Variants in ZNF48 observed in about 807,000 individuals in gnomAD.
The protein encoded by ZNF48 is zinc finger protein 553.
ZNF48 carries 20 observed loss-of-function variants against 40.0 expected under a neutral mutation model. The ratio of observed to expected loss-of-function variants is 0.50; its 90% CI spans 0.35 to 0.73. The LOEUF (loss-of-function observed/expected upper bound fraction) is 0.73, where lower values mean the gene tolerates loss of function less well. ZNF48 is among the 30% of genes least tolerant of loss of function. The pLI, the probability that ZNF48 is intolerant of heterozygous loss-of-function variation, is 0.01. For missense variants in ZNF48, 726 were observed against 851.9 expected (o/e 0.85, Z 1.84); for synonymous variants, 298 against 329.7 (o/e 0.90, Z 1.04).
chr16:30,379,281 A>G, intron 1 of ZNF48: 1 of 1,522,828 alleles, frequency 6.6e-7, no homozygotes, highest in Non-Finnish European at 9.0e-7. Context: ...CTGCCACTCT[A>G]GCGGAGGGTC....
At position 30,381,803 on chromosome 16, in the gene ZNF48, C is replaced by T; in HGVS notation, c.-16+3393C>T. 1 of 1,614,166 alleles carries T rather than the reference C, an allele frequency of 6.2e-7. No homozygotes were observed. The highest frequency in any genetic ancestry group is 2.2e-5 in the East Asian group (1 of 44,876). On this transcript the variant is annotated intron_variant, in intron 1 of 2. Transcript: ENST00000528032. This position sits in a 1 kb window ranked among gnomAD's most constrained non-coding sequence, Gnocchi z 4.3. ...GAGTCCCCAAAGCCAGGTGTGTCCA[C>T]AAGGGTCAGCTTCACTTTCACACCC...
chr16:30,388,851 G>A (rs949558289), intron 1 of ZNF48, among the ~76,000 whole-genome samples: 3 of 151,982 alleles, frequency 2.0e-5, no homozygotes, highest in Non-Finnish European at 4.4e-5. Context: ...CCGAGACTGC[G>A]CCACTGCACT....
rs764813602 is a variant in ZNF48, at chr16:30,398,008, C to T, written c.758C>T (p.Pro253Leu). ...RGEQPPRPVV[P>L]RRQPSRAATA... The stretch of plus-strand genomic sequence containing the variant: ...GAGCAGCCCCCCCGACCAGTGGTGC[C>T]CCGACGGCAGCCATCTCGGGCAGCC... The change falls in exon 3 of 3, where the codon CCC becomes CTC. Residue 253 changes from proline to leucine, a missense_variant. Coordinates refer to ENST00000613509, the MANE Select transcript of ZNF48 (RefSeq NM_001214909.2). The surrounding 1 kb of genome is among the most constrained non-coding windows in gnomAD (Gnocchi z 6.6). 18 of 1,612,872 alleles carry T rather than the reference C, an allele frequency of 1.1e-5. No homozygotes were observed. The highest frequency in any genetic ancestry group is 1.4e-5 in the Non-Finnish European group (16 of 1,179,450).
chr16:30,383,009 C>A, intron 1 of ZNF48: 2 of 582,038 alleles, frequency 3.4e-6, no homozygotes, highest in Non-Finnish European at 6.2e-6. Context: ...TGCCCCTCTA[C>A]CATCTCTACA....
chr16:30,383,691 G>A (rs1168148564), intron 1 of ZNF48, among the ~76,000 whole-genome samples: 3 of 152,146 alleles, frequency 2.0e-5, no homozygotes, highest in African/African-American at 7.2e-5. Flanking sequence ...GAACTCCCCA[G>A]TAACTCAGAG....
Position 30,397,307 on chromosome 16 carries a change from A to G in ZNF48, c.80-23A>G. On this transcript the variant is annotated intron_variant, in intron 2 of 2. Transcript: ENST00000613509. The surrounding 1 kb of genome is among the most constrained non-coding windows in gnomAD (Gnocchi z 4.1). ...AGTACCGAGCCAAAGGGGAGGGTCT[A>G]CAACTTCCTTTTCTTTCCTCAGGTC... is the stretch of plus-strand genomic sequence containing the variant. 1.9e-6 allele frequency: 3 copies of G among 1,590,648 alleles called. No individual in the cohort carries two copies. The highest frequency in any genetic ancestry group is 4.5e-5 in the East Asian group (2 of 44,812).
intron 1 of ZNF48, among the ~76,000 whole-genome samples, chr16:30,387,113 T>C (rs1185014495): frequency 1.3e-5 from 2 of 150,964 alleles, no homozygotes; most frequent in African/African-American, 4.8e-5. Context: ...TGGCTAATTT[T>C]TTTGTATTTT....
chr16:30,385,436 C>T (rs112747672), intron 1 of ZNF48, among the ~76,000 whole-genome samples: 1 of 151,282 alleles, frequency 6.6e-6, no homozygotes, highest in Non-Finnish European at 1.5e-5. Context: ...ACCATCCTGG[C>T]CAACATGGTG....
upstream of ZNF48, among the ~76,000 whole-genome samples, chr16:30,390,829 T>G (rs2049937370): frequency 6.6e-6 from 1 of 151,942 alleles, no homozygotes; most frequent in African/African-American, 2.4e-5. Context: ...TTTCACCGTG[T>G]TAGCCAGGAT....
intron 1 of ZNF48, among the ~76,000 whole-genome samples, chr16:30,383,988 G>A (rs1187709022): frequency 1.3e-5 from 2 of 152,052 alleles, no homozygotes; most frequent in South Asian, 2.1e-4. Context: ...AGGCCGAGGC[G>A]GGTGGATCAC....
chr16:30,395,471 G>A lies in ZNF48; in HGVS notation c.-123G>A. ...ACGCCTGGGTCCGAGCCCGCTCCCGGCTTGGCGCGGAGCCTGCATCCCGGA... is the reference window on the plus strand; with the variant it reads ...ACGCCTGGGTCCGAGCCCGCTCCCGACTTGGCGCGGAGCCTGCATCCCGGA... On this transcript the variant is annotated 5_prime_UTR_variant, in exon 1 of 3. Transcript: ENST00000613509. The surrounding 1 kb of genome is among the most constrained non-coding windows in gnomAD (Gnocchi z 5.9). 3.0e-6 allele frequency: 1 copy of A among 333,442 alleles called. No homozygotes were observed. Among genetic ancestry groups the A allele is most frequent in the Non-Finnish European group, 5.9e-6 (1 of 170,232 alleles). 20.7% of individuals were successfully genotyped at this position (333,442 alleles called of 1,614,324 possible). A position where few individuals can be genotyped will look rare whatever the true frequency, so the allele number is the denominator to read the frequency against.
In ZNF48 at chr16:30,398,366, C is replaced by T; in HGVS notation, c.1116C>T (p.Ser372=). 6.2e-7 allele frequency: 1 copy of T among 1,613,300 alleles called. No individual in the cohort carries two copies. The highest frequency in any genetic ancestry group is 2.2e-5 in the East Asian group (1 of 44,822). The change falls in exon 3 of 3, where the codon TCC becomes TCT. Residue 372 remains serine (S), a synonymous_variant. Coordinates refer to ENST00000613509, the MANE Select transcript of ZNF48 (RefSeq NM_001214909.2). This position sits in a 1 kb window ranked among gnomAD's most constrained non-coding sequence, Gnocchi z 6.6. ...GCGACCGTACCTTCAGCCTCAGCTC[C>T]ACCCTTCTTCGCCACCGCCTCACTC... ...PECDRTFSLS[S]TLLRHRLTHM... is the part of the protein sequence containing the mutation.
At chr16:30,389,390 C>CAAA (rs1230191284) in intron 1 of ZNF48, among the ~76,000 whole-genome samples, 2 of 121,234 alleles carry the variant, frequency 1.6e-5, no homozygotes, top group Non-Finnish European at 3.5e-5. Context: ...GACTCCATCT[C>CAAA]AAAAAAAAAA....
intron 2 of ZNF48, among the ~76,000 whole-genome samples, chr16:30,396,678 C>T (rs1597020209): frequency 6.7e-6 from 1 of 149,978 alleles, no homozygotes; most frequent in Non-Finnish European, 1.5e-5. Context: ...TTAGACATCA[C>T]GCTTTGCTAC....
At chr16:30,392,430 G>T (rs532627933), upstream of ZNF48, among the ~76,000 whole-genome samples, 1 of 152,288 alleles carries the variant, frequency 6.6e-6, no homozygotes, top group Non-Finnish European at 1.5e-5. Context: ...GGGATTACAG[G>T]CGTGAGCCAC....
Position 30,398,510 on chromosome 16 carries a change from G to C in ZNF48, c.1260G>C (p.Ser420=), listed in dbSNP as rs761815392. The stretch of plus-strand genomic sequence containing the variant: ...TGACACCTCGAAGTCCCTCACACTC[G>C]GGTGAGCCTTTTGGCCTGCCTGGCT... ...PPLTPRSPSH[S]GEPFGLPGLE... is the part of the protein sequence containing the mutation. The change falls in exon 3 of 3, where the codon TCG becomes TCC. Residue 420 remains serine (S), a synonymous_variant. Transcript: ENST00000613509. This position sits in a 1 kb window ranked among gnomAD's most constrained non-coding sequence, Gnocchi z 6.6. 1.9e-6 allele frequency: 3 copies of C among 1,594,076 alleles called. No homozygotes were observed. The highest frequency in any genetic ancestry group is 1.7e-6 in the Non-Finnish European group (2 of 1,169,566).
intron 2 of ZNF48, among the ~76,000 whole-genome samples, chr16:30,396,206 T>C (rs1258353236): frequency 6.6e-6 from 1 of 152,184 alleles, no homozygotes; most frequent in African/African-American, 2.4e-5. Flanking sequence ...AGTCCAGATA[T>C]AATCCTGTGT....
Position 30,382,477 on chromosome 16 carries a change from TG to T in ZNF48, c.-16+4072del. ...CAGTGGGGTCTGGGGACCCCAGGCA[TG>T]GGGGCTGGGGGCCGAGATGCCCAGG... is the stretch of plus-strand genomic sequence containing the variant. On this transcript the variant is annotated intron_variant, in intron 1 of 2. Coordinates refer to the ZNF48 transcript ENST00000528032. This position sits in a 1 kb window ranked among gnomAD's most constrained non-coding sequence, Gnocchi z 4.8. The T allele has an allele frequency of 6.3e-7, 1 of 1,582,808 alleles. No individual in the cohort carries two copies. Among genetic ancestry groups the T allele is most frequent in the Non-Finnish European group, 8.6e-7 (1 of 1,157,418 alleles).
At chr16:30,378,812 C>T (rs542340766) in intron 1 of ZNF48, 11 of 884,328 alleles carry the variant, frequency 1.2e-5, no homozygotes, top group Non-Finnish European at 1.6e-5. Context: ...GGAGCCAGTT[C>T]CTTGAGGTTA....
Sources: gnomAD v4.1 joint callset for allele counts (sites outside exome capture counted in the v4.1 genomes callset) on GRCh38, gnomAD v4.1.1 for gene constraint, Gnocchi (gnomAD v3.1) non-coding constraint, MANE v1.5 for transcripts, NCBI Gene and HGNC (gene_info 2026-07-23, HGNC 2026-07-21) for gene names.